Variants in BTBD9 observed in about 807,000 individuals in gnomAD.
The protein encoded by BTBD9 is BTB/POZ domain-containing protein 9.
BTBD9 carries 49 observed loss-of-function variants against 64.3 expected under a neutral mutation model. The ratio of observed to expected loss-of-function variants is 0.76; its 90% CI spans 0.61 to 0.97. BTBD9 has a LOEUF of 0.97. Among genes scored for constraint, BTBD9 ranks in the 50% least tolerant of loss-of-function variants. BTBD9 has a pLI of 0.00. For synonymous variants in BTBD9, 260 were observed against 274.7 expected (o/e 0.95, Z 0.53); for missense variants, 598 against 762.1 (o/e 0.78, Z 2.53).
At position 38,184,831 on chromosome 6, in the gene BTBD9, A is replaced by T. The variant is rs955397327; in HGVS notation, c.1641+7688T>A. ...TTTTCCATTAGAGCCACATGTTGCT[A>T]TGGGAACGAGGGTGGCATGGGAGCC... On this transcript the variant is annotated intron_variant, in intron 10 of 10. Transcript: ENST00000481247. This position sits in a 1 kb window ranked among gnomAD's most constrained non-coding sequence, Gnocchi z 4.4. Among the ~76,000 whole-genome samples the T allele has an allele frequency of 6.6e-6, 1 of 152,094 alleles. No homozygotes were observed.
chr6:38,200,404 A>G (rs1055810661), intron 9 of BTBD9, among the ~76,000 whole-genome samples: 1 of 152,262 alleles, frequency 6.6e-6, no homozygotes, highest in Non-Finnish European at 1.5e-5. Context: ...GCAGGAGGAA[A>G]GAAACAATAA....
At chr6:38,492,102 A>G (rs1444441505) in intron 6 of BTBD9, among the ~76,000 whole-genome samples, 4 of 152,176 alleles carry the variant, frequency 2.6e-5, no homozygotes, top group Non-Finnish European at 5.9e-5. Flanking sequence ...AGATGAGAAA[A>G]TGGGCCCACA....
At chr6:38,406,872 G>C (rs1767190596) in intron 6 of BTBD9, among the ~76,000 whole-genome samples, 1 of 152,090 alleles carries the variant, frequency 6.6e-6, no homozygotes, top group Non-Finnish European at 1.5e-5. Flanking sequence ...TGAGTAGCTG[G>C]GACTATAAGC....
chr6:38,344,146 T>C (rs775063541), intron 7 of BTBD9, among the ~76,000 whole-genome samples: 3 of 151,980 alleles, frequency 2.0e-5, no homozygotes, highest in Non-Finnish European at 2.9e-5. Context: ...ATCAAGGAGC[T>C]AATTGATCTA....
intron 9 of BTBD9, among the ~76,000 whole-genome samples, chr6:38,212,079 G>A (rs1483783409): frequency 1.3e-5 from 2 of 152,212 alleles, no homozygotes; most frequent in Non-Finnish European, 2.9e-5. Context: ...CATTTAACGT[G>A]GTCCCAGGAG....
intron 8 of BTBD9, among the ~76,000 whole-genome samples, chr6:38,269,544 T>C (rs959222842): frequency 6.6e-6 from 1 of 152,074 alleles, no homozygotes; most frequent in African/African-American, 2.4e-5. Context: ...TAAACAGCTG[T>C]AATTAAACCA....
chr6:38,196,427 G>A (rs1190972049), intron 9 of BTBD9, among the ~76,000 whole-genome samples: 1 of 152,190 alleles, frequency 6.6e-6, no homozygotes, highest in Non-Finnish European at 1.5e-5. Context: ...CATTCAGCCA[G>A]TGAGATACAG....
chr6:38,295,126 T>C (rs1762109826), intron 7 of BTBD9, among the ~76,000 whole-genome samples: 2 of 152,190 alleles, frequency 1.3e-5, no homozygotes, highest in African/African-American at 4.8e-5. Flanking sequence ...TTAATCTTTT[T>C]CTTTATGACT....
At chr6:38,401,586 G>C (rs764509820) in intron 6 of BTBD9, among the ~76,000 whole-genome samples, 9 of 152,132 alleles carry the variant, frequency 5.9e-5, no homozygotes, top group Non-Finnish European at 8.8e-5. Context: ...GATCAACCCT[G>C]GTAAAGAGAC....
At chr6:38,534,475 CAAAAA>C (rs57383061) in intron 6 of BTBD9, among the ~76,000 whole-genome samples, 2 of 94,932 alleles carry the variant, frequency 2.1e-5, no homozygotes, top group East Asian at 5.0e-4. Context: ...TCAAACTGTT[CAAAAA>C]AAAAAAAAAA....
intron 6 of BTBD9, among the ~76,000 whole-genome samples, chr6:38,564,878 C>T (rs1775420129): frequency 6.6e-6 from 1 of 151,926 alleles, no homozygotes; most frequent in South Asian, 2.1e-4. Flanking sequence ...GGCGACAGAG[C>T]AAGACTCTGT....
intron 6 of BTBD9, among the ~76,000 whole-genome samples, chr6:38,454,500 A>AT (rs1769705690): frequency 6.8e-6 from 1 of 146,284 alleles, no homozygotes; most frequent in Non-Finnish European, 1.5e-5. Flanking sequence ...ATTATCTTAA[A>AT]TATAATATAA....
chr6:38,219,987 C>T (rs1763144872), intron 9 of BTBD9, among the ~76,000 whole-genome samples: 1 of 152,146 alleles, frequency 6.6e-6, no homozygotes, highest in South Asian at 2.1e-4. Flanking sequence ...GTTGATGTGG[C>T]TTTCTGTGCT....
chr6:38,359,784 G>A (rs895041436), intron 6 of BTBD9, among the ~76,000 whole-genome samples: 12 of 152,060 alleles, frequency 7.9e-5, no homozygotes, highest in South Asian at 4.1e-4. Context: ...TCAAACTATC[G>A]GCTCAAGAGG....
Position 38,592,851 on chromosome 6 carries a change from T to TA in BTBD9, c.550-12dup. On this transcript the variant is annotated splice_polypyrimidine_tract_variant and intron_variant, in intron 3 of 10. Transcript: ENST00000481247. ...GTTTAAAAGTGCTGTCTGAAAAGGA[T>TA]AAAAAGGTAAAATTCCAGTTATATG... 2 of 1,612,262 alleles carry TA rather than the reference T, an allele frequency of 1.2e-6. No homozygotes were observed. Among genetic ancestry groups the TA allele is most frequent in the Non-Finnish European group, 1.7e-6 (2 of 1,178,738 alleles).
At chr6:38,339,391 T>C (rs571785036) in intron 7 of BTBD9, among the ~76,000 whole-genome samples, 2 of 152,228 alleles carry the variant, frequency 1.3e-5, no homozygotes, top group Admixed American at 1.3e-4. Context: ...GTGCCTACAG[T>C]CCTGTTTGCT....
chr6:38,240,231 T>TGG, intron 9 of BTBD9, among the ~76,000 whole-genome samples: 1 of 152,228 alleles, frequency 6.6e-6, no homozygotes, highest in Non-Finnish European at 1.5e-5. Flanking sequence ...TTATCCCTAC[T>TGG]GAGTCACTCA....
intron 6 of BTBD9, among the ~76,000 whole-genome samples, chr6:38,436,372 A>ATTTTTTTTTTTT (rs10647439): frequency 8.5e-6 from 1 of 118,324 alleles, no homozygotes; most frequent in Non-Finnish European, 1.7e-5. Flanking sequence ...CCCCAATTCT[A>ATTTTTTTTTTTT]TTTTTTTTTT....
chr6:38,510,769 G>C (rs1772738803), intron 6 of BTBD9, among the ~76,000 whole-genome samples: 1 of 151,922 alleles, frequency 6.6e-6, no homozygotes, highest in Non-Finnish European at 1.5e-5. Context: ...GCCTACACTG[G>C]GTTAGGATCA....
Sources: allele counts gnomAD v4.1 joint callset (sites outside exome capture counted in the v4.1 genomes callset), GRCh38; gene constraint gnomAD v4.1.1; non-coding constraint Gnocchi (gnomAD v3.1); transcripts MANE v1.5; gene names NCBI Gene and HGNC (gene_info 2026-07-23, HGNC 2026-07-21).